FAT1: variants seen among roughly 807,000 people sequenced by gnomAD.
FAT1 encodes the protein FAT atypical cadherin 1.
In FAT1, 171 loss-of-function variants were observed where a neutral mutation model predicts 329.8. That is an observed-to-expected ratio of 0.52 (90% confidence interval 0.46 to 0.59). FAT1 has a LOEUF of 0.59. Ranked by LOEUF, FAT1 falls within the 20% of genes least tolerant of loss-of-function variation. The pLI, the probability that FAT1 is intolerant of heterozygous loss-of-function variation, is 0.00. For synonymous variants in FAT1, 2,233 were observed against 2,228.6 expected, an observed-to-expected ratio of 1.00 and a Z score of -0.06; for missense variants, 5,672 against 5,774.4, an observed-to-expected ratio of 0.98 and a Z score of 0.57.
In FAT1 at chr4:186,707,389, G is replaced by A. The variant is rs776073338; in HGVS notation, c.2439C>T (p.Val813=). The A allele has an allele frequency of 1.5e-5, 25 of 1,613,778 alleles. No individual in the cohort carries two copies. Among genetic ancestry groups the A allele is most frequent in the Non-Finnish European group, 1.9e-5 (22 of 1,179,894 alleles). The change falls in exon 2 of 27, where the codon GTC becomes GTT. Residue 813 remains valine, a synonymous_variant. Transcript: ENST00000441802. ...AAWRLLHVVV[V]DANDNPPEFL... Reference sequence around the variant, plus strand: ...ACTCGGGTGGATTATCATTGGCATCGACAACCACGACATGTAGAAGACGCC... The same window carrying A: ...ACTCGGGTGGATTATCATTGGCATCAACAACCACGACATGTAGAAGACGCC...
rs1744716310 is a variant in FAT1, at chr4:186,707,917, C to T, written c.1911G>A (p.Lys637=). 5 of 1,613,922 alleles carry T rather than the reference C, an allele frequency of 3.1e-6. No individual in the cohort carries two copies. The highest frequency in any genetic ancestry group is 4.2e-6 in the Non-Finnish European group (5 of 1,179,886). Residue 637 remains lysine, a synonymous_variant, in exon 2 of 27, where the codon AAG becomes AAA. Transcript: ENST00000441802. The stretch of plus-strand genomic sequence containing the variant: ...TGATTCTCAGACTGTGGAAAGACAC[C>T]TTTGCACCTAAGCCATCCATTAGCG... The part of the protein sequence containing the change: ...KRSLMDGLGA[K]VSFHSLRITA...
intron 2 of FAT1, among the ~76,000 whole-genome samples, chr4:186,664,987 C>T (rs965529374): frequency 1.3e-5 from 2 of 152,148 alleles, no homozygotes; most frequent in East Asian, 3.9e-4. Context: ...TTAACTTATT[C>T]GAGGTTAATA....
intron 1 of FAT1, among the ~76,000 whole-genome samples, chr4:186,719,574 T>C (rs1313076780): frequency 1.3e-5 from 2 of 152,020 alleles, no homozygotes; most frequent in African/African-American, 2.4e-5. Context: ...AACTAACAAA[T>C]CAAACAAAAA....
At position 186,618,739 on chromosome 4, in the gene FAT1, A is replaced by C. The variant is rs2126498442; in HGVS notation, c.7847T>G (p.Val2616Gly). 6.2e-7 allele frequency: 1 copy of C among 1,613,982 alleles called. No individual in the cohort carries two copies. The highest frequency in any genetic ancestry group is 1.3e-5 in the African/African-American group (1 of 75,030). ...GSSAAKGTSVVKVLASDADEG... is the reference protein window; with the variant it reads ...GSSAAKGTSVGKVLASDADEG... Reference sequence around the variant, plus strand: ...ATCGGCATCACTTGCAAGAACTTTAACGACTGAAGTCCCTTTAGCAGCACT... The same window carrying C: ...ATCGGCATCACTTGCAAGAACTTTACCGACTGAAGTCCCTTTAGCAGCACT... The change falls in exon 10 of 27, where the codon GTT becomes GGT. Residue 2616 changes from valine to glycine, a missense_variant. By Grantham distance (109) the Val-to-Gly change is moderately radical. Around this residue, in one of 2 missense-constraint regions of FAT1, gnomAD observed 3,966 missense variants for 3,915.2 expected, o/e 1.01. Transcript: ENST00000441802.
At chr4:186,650,341 A>C (rs554608370) in intron 3 of FAT1, among the ~76,000 whole-genome samples, 4 of 152,346 alleles carry the variant, frequency 2.6e-5, no homozygotes, top group African/African-American at 9.6e-5. Context: ...AACAGAAAAA[A>C]AACTCCCTAA....
In FAT1 at chr4:186,621,397, A is replaced by G. The variant is rs370543922; in HGVS notation, c.5189T>C (p.Leu1730Ser). 3 of 1,614,026 alleles carry G rather than the reference A, an allele frequency of 1.9e-6. No individual in the cohort carries two copies. Among genetic ancestry groups the G allele is most frequent in the African/African-American group, 1.3e-5 (1 of 75,072 alleles). ...ITQKALDFET[L>S]PIYTLIIQGT... ...TTGTATTATCAATGTGTAAATGGGC[A>G]AAGTTTCAAAGTCCAGGGCTTTCTG... Residue 1730 changes from leucine (L) to serine (S), a missense_variant, in exon 10 of 27, where the codon TTG (leucine) becomes TCG (serine). Leu to Ser is a moderately radical substitution (Grantham distance 145). Around this residue, in one of 2 missense-constraint regions of FAT1, gnomAD observed 3,966 missense variants for 3,915.2 expected, o/e 1.01. Transcript: ENST00000441802.
intron 22 of FAT1, 101 bp downstream of exon 22, chr4:186,599,797 A>G: frequency 1.1e-6 from 1 of 916,376 alleles, no homozygotes; most frequent in East Asian, 2.6e-5. Flanking sequence ...TGACAAAATT[A>G]TCTGAATCAA....
intron 14 of FAT1, among the ~76,000 whole-genome samples, chr4:186,610,679 AT>A (rs1560931847): frequency 3.7e-5 from 2 of 54,154 alleles, no homozygotes; most frequent in Non-Finnish European, 6.9e-5. Context: ...ATTTATATAA[AT>A]ATAAATTATA....
At chr4:186,622,160 T>C (rs1740078079) in intron 9 of FAT1, among the ~76,000 whole-genome samples, 1 of 152,224 alleles carries the variant, frequency 6.6e-6, no homozygotes, top group South Asian at 2.1e-4. Context: ...ATTTGTATTT[T>C]CAACGGTTAT....
chr4:186,620,375 C>A lies in FAT1; in HGVS notation c.6211G>T (p.Val2071Leu), dbSNP rs1739975330. 1 of 1,614,010 alleles carries A rather than the reference C, an allele frequency of 6.2e-7. No homozygotes were observed. Among genetic ancestry groups the A allele is most frequent in the Non-Finnish European group, 8.5e-7 (1 of 1,179,894 alleles). ...AVAHVVVKVI[V>L]EDQNDNAPVF... ...GGCGCATTATCATTTTGGTCTTCTACAATGACCTTCACGACAACGTGGGCC... is the reference window on the plus strand; with the variant it reads ...GGCGCATTATCATTTTGGTCTTCTAAAATGACCTTCACGACAACGTGGGCC... The change falls in exon 10 of 27, where the codon GTA becomes TTA. Residue 2071 changes from valine (V) to leucine (L), a missense_variant. Val to Leu is a conservative substitution (Grantham distance 32). This residue lies in a region of FAT1 where 3,966 missense variants were observed against 3,915.2 expected (regional missense o/e 1.01). Coordinates refer to ENST00000441802, the MANE Select transcript of FAT1 (RefSeq NM_005245.4).
chr4:186,637,131 G>A (rs1163965027), intron 4 of FAT1, among the ~76,000 whole-genome samples: 1 of 152,070 alleles, frequency 6.6e-6, no homozygotes, highest in East Asian at 1.9e-4. Flanking sequence ...GCCGGGCATG[G>A]CTAAGAAAGA....
chr4:186,596,745 T>C lies in FAT1; in HGVS notation c.12795A>G (p.Arg4265=), dbSNP rs1191781331. 1 of 1,614,004 alleles carries C rather than the reference T, an allele frequency of 6.2e-7. No individual in the cohort carries two copies. Residue 4265 remains arginine (R), a synonymous_variant, in exon 25 of 27, where the codon AGA becomes AGG. Transcript: ENST00000441802. The surrounding 1 kb of genome is among the most constrained non-coding windows in gnomAD (Gnocchi z 4.7). ...CGAAGGAATTTCGGTCCAGATTGTT[T>C]CTTGAGTCACTTGGAATACTCGGGG... ...SYTPSIPSDS[R]NNLDRNSFEG... is the part of the protein sequence containing the mutation.
chr4:186,600,715 C>T (rs1012038844), intron 21 of FAT1, among the ~76,000 whole-genome samples: 4 of 152,118 alleles, frequency 2.6e-5, no homozygotes, highest in Non-Finnish European at 5.9e-5. Flanking sequence ...TAAACTGTAA[C>T]AGTTTTTGTT....
chr4:186,597,874 C>CATT, intron 23 of FAT1, 82 bp from the exon 24 acceptor site: 1 of 1,559,484 alleles, frequency 6.4e-7, no homozygotes, highest in Non-Finnish European at 8.8e-7. Context: ...AAACAGAACA[C>CATT]ATTAGCAAAT....
At chr4:186,681,656 C>A (rs746437168) in intron 2 of FAT1, among the ~76,000 whole-genome samples, 1 of 152,144 alleles carries the variant, frequency 6.6e-6, no homozygotes, top group East Asian at 1.9e-4. Context: ...TGAGACACAT[C>A]GATGAGTTAT....
chr4:186,671,803 C>T (rs1172644140), intron 2 of FAT1, among the ~76,000 whole-genome samples: 5 of 151,644 alleles, frequency 3.3e-5, no homozygotes, highest in South Asian at 4.2e-4. Flanking sequence ...TACAGTAGAT[C>T]GTGTGTGTGT....
chr4:186,613,469 G>A (rs1239892599), intron 12 of FAT1, 127 bp from the exon 13 acceptor site: 9 of 707,846 alleles, frequency 1.3e-5, no homozygotes, highest in Admixed American at 2.3e-5. Flanking sequence ...CTTGAGACCA[G>A]TATTATCAAT....
chr4:186,600,712 T>C (rs1738771330), intron 21 of FAT1, among the ~76,000 whole-genome samples: 1 of 152,230 alleles, frequency 6.6e-6, no homozygotes, highest in Non-Finnish European at 1.5e-5. Flanking sequence ...CTATAAACTG[T>C]AACAGTTTTT....
In FAT1 at chr4:186,606,259, A is replaced by G. The variant is rs370432309; in HGVS notation, c.10207-46T>C. ...ATGCACGTTCATTTTCACAAGGCCG[A>G]CAGAGCTCCAATGAGGAGTGTCCTC... On this transcript the variant is annotated intron_variant, in intron 16 of 26. Coordinates refer to ENST00000441802, the MANE Select transcript of FAT1 (RefSeq NM_005245.4). The G allele has an allele frequency of 2.5e-5, 40 of 1,603,646 alleles. No individual in the cohort carries two copies. The African/African-American group carries it at 4.2e-4, about 17-fold the overall frequency.
Sources: gnomAD v4.1 joint callset for allele counts (sites outside exome capture counted in the v4.1 genomes callset) on GRCh38, gnomAD v4.1.1 for gene constraint, gnomAD v4.1.1 regional missense constraint, Gnocchi (gnomAD v3.1) non-coding constraint, MANE v1.5 for transcripts, NCBI Gene and HGNC (gene_info 2026-07-23, HGNC 2026-07-21) for gene names.